STK32B: variants seen among roughly 807,000 people sequenced by gnomAD.
STK32B encodes serine/threonine kinase 32B, also known as serine/threonine-protein kinase 32B.
In STK32B, 43 loss-of-function variants were observed where a neutral mutation model predicts 52.6. The observed-to-expected ratio is 0.82, with a 90% CI of 0.64 to 1.05. The LOEUF (loss-of-function observed/expected upper bound fraction) is 1.05, where lower values mean the gene tolerates loss of function less well. STK32B is among the 50% of genes least tolerant of loss of function. STK32B has a pLI of 0.00. For synonymous variants in STK32B, 238 were observed against 204.3 expected, an observed-to-expected ratio of 1.17 and a Z score of -1.41; for missense variants, 621 against 534.6, an observed-to-expected ratio of 1.16 and a Z score of -1.59.
At chr4:5,033,999 G>A in the STK32B span, among the ~76,000 whole-genome samples, 1 of 152,198 alleles carries the variant, frequency 6.6e-6, no homozygotes, top group South Asian at 2.1e-4. Flanking sequence ...TGCAGGAGAT[G>A]TGAGGCCCTA....
At chr4:5,129,840 G>A (rs948819675) in intron 1 of STK32B, among the ~76,000 whole-genome samples, 3 of 152,092 alleles carry the variant, frequency 2.0e-5, no homozygotes, top group South Asian at 2.1e-4. Flanking sequence ...CACTCCTTTG[G>A]ATTTCTCCCA....
chr4:5,326,820 CT>C (rs1262638842), intron 3 of STK32B, among the ~76,000 whole-genome samples: 3 of 152,140 alleles, frequency 2.0e-5, no homozygotes, highest in Non-Finnish European at 4.4e-5. Context: ...AACAATGAAG[CT>C]TTCCACGATG....
At chr4:5,201,841 C>G (rs1486794391) in intron 3 of STK32B, among the ~76,000 whole-genome samples, 1 of 152,196 alleles carries the variant, frequency 6.6e-6, no homozygotes, top group Non-Finnish European at 1.5e-5. Context: ...ATCACCTCCT[C>G]CCACCAGGTC....
intron 3 of STK32B, among the ~76,000 whole-genome samples, chr4:5,254,317 T>A (rs1312293329): frequency 6.6e-6 from 1 of 152,166 alleles, no homozygotes; most frequent in African/African-American, 2.4e-5. Flanking sequence ...TTATCAATTT[T>A]ATTGGTGGTT....
At chr4:5,468,895 A>C (rs1717641929) in intron 11 of STK32B, among the ~76,000 whole-genome samples, 1 of 152,132 alleles carries the variant, frequency 6.6e-6, no homozygotes, top group Admixed American at 6.6e-5. Flanking sequence ...CTAAAAATAC[A>C]AAAAGTTAGC....
intron 3 of STK32B, among the ~76,000 whole-genome samples, chr4:5,252,473 C>T (rs1204182154): frequency 1.3e-5 from 2 of 152,212 alleles, no homozygotes; most frequent in Non-Finnish European, 2.9e-5. Flanking sequence ...TGCTGCTGCA[C>T]ATCATCCCAG....
chr4:5,296,874 T>A (rs1026016159), intron 3 of STK32B, among the ~76,000 whole-genome samples: 1 of 152,184 alleles, frequency 6.6e-6, no homozygotes, highest in East Asian at 1.9e-4. Flanking sequence ...GTCTTTATAT[T>A]TTGGTATGTT....
rs80023739 is a variant in STK32B, at chr4:5,302,530, A to G, written c.261-28690A>G. Among the ~76,000 whole-genome samples the G allele has an allele frequency of 9.6e-3, 1,455 of 152,166 alleles. 50 individuals are homozygous for G. In the East Asian group the frequency reaches 0.11, roughly 12 times the overall value. On this transcript the variant is annotated intron_variant, in intron 3 of 11. Coordinates refer to ENST00000282908, the MANE Select transcript of STK32B (RefSeq NM_018401.3). ...TGTACCAAAATTTATTTTTCCCTGT[A>G]TGGAAACCCAATTAATACAGAACCA...
intron 3 of STK32B, among the ~76,000 whole-genome samples, chr4:5,192,988 C>T (rs1379006722): frequency 2.0e-5 from 3 of 152,218 alleles, no homozygotes; most frequent in Non-Finnish European, 2.9e-5. Context: ...CCTCTTCTTC[C>T]TCCTGTCGGC....
At chr4:5,027,151 T>A in the STK32B span, among the ~76,000 whole-genome samples, 1 of 152,174 alleles carries the variant, frequency 6.6e-6, no homozygotes, top group African/African-American at 2.4e-5. Flanking sequence ...CATCTTCCCC[T>A]GTTTATGTGA....
intron 1 of STK32B, among the ~76,000 whole-genome samples, chr4:5,066,337 A>T (rs995841691): frequency 2.6e-5 from 4 of 152,122 alleles, no homozygotes; most frequent in African/African-American, 9.7e-5. Flanking sequence ...ACCTCAGTTC[A>T]AACATCACGT....
chr4:5,471,339 G>A (rs1290916424), intron 11 of STK32B, among the ~76,000 whole-genome samples: 1 of 152,150 alleles, frequency 6.6e-6, no homozygotes, highest in Non-Finnish European at 1.5e-5. Context: ...CATGACTGGT[G>A]TCTGTCCTGA....
chr4:5,128,686 G>C (rs1410857296), intron 1 of STK32B, among the ~76,000 whole-genome samples: 1 of 152,226 alleles, frequency 6.6e-6, no homozygotes, highest in Non-Finnish European at 1.5e-5. Flanking sequence ...TCAGGCACAT[G>C]GGGAGTAAAC....
chr4:5,239,356 A>G lies in STK32B; in HGVS notation c.260+70906A>G, dbSNP rs533666231. 1.5e-3 allele frequency among the ~76,000 whole-genome samples: 230 copies of G among 152,210 alleles called. No homozygotes were observed. In the South Asian group the frequency reaches 0.017, roughly 12 times the overall value. ...ATCTCTAGGGGAAGCCAAGCAGTCAATAGAATTGGAGGCAGGCAGGAGGTC... is the reference window on the plus strand; with the variant it reads ...ATCTCTAGGGGAAGCCAAGCAGTCAGTAGAATTGGAGGCAGGCAGGAGGTC... On this transcript the variant is annotated intron_variant, in intron 3 of 11. Coordinates refer to ENST00000282908, the MANE Select transcript of STK32B (RefSeq NM_018401.3).
At chr4:5,236,452 G>T (rs1290094145) in intron 3 of STK32B, among the ~76,000 whole-genome samples, 3 of 152,130 alleles carry the variant, frequency 2.0e-5, no homozygotes, top group Admixed American at 2.0e-4. Context: ...ACGGGAACAA[G>T]AATCAGAACA....
At chr4:5,493,062 T>C (rs868844507) in intron 11 of STK32B, among the ~76,000 whole-genome samples, 1,707 of 151,304 alleles carry the variant, frequency 0.011, 72 homozygotes, top group African/African-American at 0.039. Flanking sequence ...TGTCTCTGCC[T>C]GGCTTTGGTA....
the STK32B span, among the ~76,000 whole-genome samples, chr4:5,030,802 GA>G: frequency 2.0e-5 from 3 of 151,902 alleles, no homozygotes; most frequent in African/African-American, 7.3e-5. Flanking sequence ...AGGCAAGAAG[GA>G]AAAAAAGTAA....
intron 3 of STK32B, among the ~76,000 whole-genome samples, chr4:5,253,961 A>G (rs1003301303): frequency 1.3e-5 from 2 of 152,004 alleles, no homozygotes; most frequent in Admixed American, 6.6e-5. Context: ...TAATTTTTGT[A>G]TTTTTAGTAG....
chr4:5,082,409 T>C (rs1220980926), intron 1 of STK32B, among the ~76,000 whole-genome samples: 1 of 152,164 alleles, frequency 6.6e-6, no homozygotes, highest in Admixed American at 6.6e-5. Context: ...ACCCATGTGC[T>C]AATTGAGGAA....
Sources: gnomAD v4.1 joint callset for allele counts (sites outside exome capture counted in the v4.1 genomes callset) on GRCh38, gnomAD v4.1.1 for gene constraint, MANE v1.5 for transcripts, NCBI Gene and HGNC (gene_info 2026-07-23, HGNC 2026-07-21) for gene names.